Variants in CSMD1 observed in about 807,000 individuals in gnomAD.
CSMD1 encodes the protein CUB and sushi domain-containing protein 1.
CSMD1 carries 213 observed loss-of-function variants against 417.5 expected under a neutral mutation model. The ratio of observed to expected loss-of-function variants is 0.51; its 90% confidence interval spans 0.46 to 0.57. The LOEUF is 0.57. CSMD1 is among the 20% of genes least tolerant of loss of function. CSMD1 has a pLI of 0.00. For missense variants in CSMD1, 6,923 were observed against 4,529.7 expected, an observed-to-expected ratio of 1.53 and a Z score of -15.17; for synonymous variants, 2,862 against 1,736.8, an observed-to-expected ratio of 1.65 and a Z score of -16.11.
chr8:4,448,408 T>C lies in CSMD1; in HGVS notation c.303-28343A>G, dbSNP rs117043441. Among the ~76,000 whole-genome samples, 13 of 152,330 alleles carry C rather than the reference T, an allele frequency of 8.5e-5. No individual in the cohort carries two copies. The East Asian group carries it at 2.3e-3, about 27-fold the overall frequency. On this transcript the variant is annotated intron_variant, in intron 2 of 69. Coordinates refer to ENST00000635120, the MANE Select transcript of CSMD1 (RefSeq NM_033225.6). ...GTCCAACTCCTACTTTCAGTAACCC[T>C]GTGTGCCCTGATGCAGATTGGAAGA...
intron 23 of CSMD1, among the ~76,000 whole-genome samples, chr8:3,318,318 T>C (rs544226979): frequency 9.2e-5 from 14 of 152,294 alleles, no homozygotes; most frequent in African/African-American, 3.1e-4. Flanking sequence ...AGTTCTCTAA[T>C]TGAGAACATA....
intron 1 of CSMD1, among the ~76,000 whole-genome samples, chr8:4,895,036 T>G: frequency 6.6e-6 from 1 of 152,216 alleles, no homozygotes; most frequent in South Asian, 2.1e-4. Context: ...GTTTTTTCAT[T>G]GATAAGAATA....
intron 6 of CSMD1, among the ~76,000 whole-genome samples, chr8:3,714,045 T>TAGAC (rs1554519415): frequency 6.6e-6 from 1 of 151,346 alleles, no homozygotes; most frequent in African/African-American, 2.4e-5. Context: ...GATAGATAGA[T>TAGAC]AGATAGATAG....
At chr8:4,271,267 G>T (rs1403748773) in intron 3 of CSMD1, among the ~76,000 whole-genome samples, 2 of 152,162 alleles carry the variant, frequency 1.3e-5, no homozygotes, top group Non-Finnish European at 2.9e-5. Context: ...CCATGAAGCT[G>T]TAGGGGTTGG....
chr8:4,109,460 A>T (rs1801738940), intron 3 of CSMD1, among the ~76,000 whole-genome samples: 1 of 152,214 alleles, frequency 6.6e-6, no homozygotes, highest in Middle Eastern at 3.2e-3. Context: ...CCACACCACT[A>T]AATATGTAAC....
intron 5 of CSMD1, among the ~76,000 whole-genome samples, chr8:3,856,439 C>T (rs559434307): frequency 1.6e-4 from 24 of 152,170 alleles, no homozygotes; most frequent in Admixed American, 5.2e-4. Context: ...CAAGAACAGA[C>T]GAATACATAC....
At chr8:4,288,737 T>G (rs1466737309) in intron 3 of CSMD1, among the ~76,000 whole-genome samples, 2 of 152,176 alleles carry the variant, frequency 1.3e-5, no homozygotes, top group Non-Finnish European at 2.9e-5. Flanking sequence ...TTCCAAGATC[T>G]CTCAGATGGT....
intron 6 of CSMD1, among the ~76,000 whole-genome samples, chr8:3,709,686 T>A (rs1466824239): frequency 1.0e-3 from 113 of 111,664 alleles, no homozygotes; most frequent in Non-Finnish European, 1.8e-3. Context: ...GCATGTTTTT[T>A]TTTTTTTTTT....
intron 1 of CSMD1, among the ~76,000 whole-genome samples, chr8:4,892,327 G>A (rs929812702): frequency 1.3e-5 from 2 of 152,050 alleles, no homozygotes; most frequent in African/African-American, 2.4e-5. Context: ...TTGATACTTA[G>A]GTGACGAAGC....
chr8:4,367,631 A>T (rs1802156538), intron 3 of CSMD1, among the ~76,000 whole-genome samples: 1 of 152,018 alleles, frequency 6.6e-6, no homozygotes, highest in Admixed American at 6.6e-5. Flanking sequence ...ATTAATATTG[A>T]ATCTGTAAAT....
intron 33 of CSMD1, among the ~76,000 whole-genome samples, chr8:3,198,663 G>A (rs1202472508): frequency 6.6e-6 from 1 of 152,028 alleles, no homozygotes; most frequent in African/African-American, 2.4e-5. Context: ...AAACTGAAGG[G>A]TTTTTACACT....
intron 3 of CSMD1, among the ~76,000 whole-genome samples, chr8:4,104,915 G>C (rs1801491596): frequency 6.6e-6 from 1 of 152,030 alleles, no homozygotes. Context: ...CACTGTGAGT[G>C]AGAATTACAC....
chr8:4,194,598 A>G (rs1052890901), intron 3 of CSMD1, among the ~76,000 whole-genome samples: 2 of 152,116 alleles, frequency 1.3e-5, no homozygotes, highest in African/African-American at 4.8e-5. Context: ...CCCCTTTGAC[A>G]TTAATTTGCT....
chr8:4,375,932 T>A (rs924865145), intron 3 of CSMD1, among the ~76,000 whole-genome samples: 37 of 152,144 alleles, frequency 2.4e-4, no homozygotes, highest in African/African-American at 8.7e-4. Context: ...CTCTTAGATG[T>A]GCAGAGAGTT....
chr8:4,936,210 T>A (rs1009301809), intron 1 of CSMD1, among the ~76,000 whole-genome samples: 22 of 152,160 alleles, frequency 1.4e-4, no homozygotes, highest in African/African-American at 4.3e-4. Flanking sequence ...TGCTTCCATA[T>A]AATAAAGATT....
At chr8:3,981,448 C>T (rs1237701452) in intron 5 of CSMD1, among the ~76,000 whole-genome samples, 1 of 138,136 alleles carries the variant, frequency 7.2e-6, no homozygotes, top group Non-Finnish European at 1.5e-5. Context: ...CGCTAAAGAA[C>T]TTACTCATGT....
At chr8:4,435,395 T>C (rs1798094540) in intron 2 of CSMD1, among the ~76,000 whole-genome samples, 1 of 152,200 alleles carries the variant, frequency 6.6e-6, no homozygotes, top group Non-Finnish European at 1.5e-5. Flanking sequence ...CAGTGTGATA[T>C]CACTCCAAAG....
intron 10 of CSMD1, among the ~76,000 whole-genome samples, chr8:3,507,908 C>T (rs906191711): frequency 2.0e-5 from 3 of 151,888 alleles, no homozygotes; most frequent in African/African-American, 7.3e-5. Flanking sequence ...TGGATATTAG[C>T]CCTTTGTCAG....
At chr8:4,400,570 A>G (rs1434151440) in intron 3 of CSMD1, among the ~76,000 whole-genome samples, 1 of 152,218 alleles carries the variant, frequency 6.6e-6, no homozygotes, top group Non-Finnish European at 1.5e-5. Flanking sequence ...CACATCAGCC[A>G]TTACTTTCAT....
Sources: gnomAD v4.1 joint callset for allele counts (sites outside exome capture counted in the v4.1 genomes callset) on GRCh38, gnomAD v4.1.1 for gene constraint, MANE v1.5 for transcripts, NCBI Gene and HGNC (gene_info 2026-07-23, HGNC 2026-07-21) for gene names.